Variants in STAT4 observed in about 807,000 individuals in gnomAD.
STAT4 encodes signal transducer and activator of transcription 4.
In STAT4, 42 loss-of-function variants were observed where a neutral mutation model predicts 110.5. The observed-to-expected ratio is 0.38, with a 90% CI of 0.30 to 0.49. The LOEUF is 0.49. STAT4 is among the 20% of genes least tolerant of loss of function. STAT4 has a pLI of 0.95. For missense variants in STAT4, 632 were observed against 887.9 expected, an observed-to-expected ratio of 0.71 and a Z score of 3.66; for synonymous variants, 284 against 302.2, an observed-to-expected ratio of 0.94 and a Z score of 0.63.
chr2:191,085,891 CT>C (rs573050932), intron 3 of STAT4, among the ~76,000 whole-genome samples: 1 of 152,012 alleles, frequency 6.6e-6, no homozygotes. Context: ...TTTACTGATT[CT>C]TTTTTTGTTT....
chr2:191,120,190 T>C (rs1278379867), intron 3 of STAT4, among the ~76,000 whole-genome samples: 1 of 151,886 alleles, frequency 6.6e-6, no homozygotes, highest in East Asian at 1.9e-4. Flanking sequence ...AATTGAAAAA[T>C]TGAGCCTCAA....
chr2:191,141,539 T>C (rs1273307914), intron 3 of STAT4, among the ~76,000 whole-genome samples: 2 of 146,220 alleles, frequency 1.4e-5, no homozygotes, highest in Non-Finnish European at 3.0e-5. Context: ...TATACATATA[T>C]GATATATATA....
rs1444053656 is a variant in STAT4 at position 191,031,103 on chromosome 2, T to C, written c.2112-23A>G. On this transcript the variant is annotated intron_variant, in intron 22 of 23. Coordinates refer to ENST00000392320, the MANE Select transcript of STAT4 (RefSeq NM_003151.4). This position sits in a 1 kb window ranked among gnomAD's most constrained non-coding sequence, Gnocchi z 4.8. ...CGGCTTAAAGAGATAACAAGGTCAA[T>C]ATGGACAAGGATTAAAAAATAATAA... is the stretch of plus-strand genomic sequence containing the variant. 3.1e-6 allele frequency: 5 copies of C among 1,607,328 alleles called. No individual in the cohort carries two copies. The African/African-American group carries it at 5.4e-5, about 17-fold the overall frequency.
At chr2:191,131,986 A>T in intron 3 of STAT4, 1 of 1,243,120 alleles carries the variant, frequency 8.0e-7, no homozygotes, top group Non-Finnish European at 1.0e-6. Context: ...AAGAGAAGAC[A>T]GCATGAAACA....
Position 191,032,787 on chromosome 2 carries a change from A to C in STAT4, c.2044+171T>G. 1.5e-6 allele frequency: 1 copy of C among 659,986 alleles called. No individual in the cohort carries two copies. The highest frequency in any genetic ancestry group is 3.3e-5 in the Admixed American group (1 of 30,666). 40.9% of individuals were successfully genotyped at this position (659,986 alleles called of 1,614,324 possible). On this transcript the variant is annotated intron_variant, in intron 21 of 23. Coordinates refer to ENST00000392320, the MANE Select transcript of STAT4 (RefSeq NM_003151.4). This position sits in a 1 kb window ranked among gnomAD's most constrained non-coding sequence, Gnocchi z 4.9. The stretch of plus-strand genomic sequence containing the variant: ...TTAGAAAGCCCAGCGGTCCCTTTTC[A>C]GGAACTGCTGACATACCACTTCATT...
chr2:191,123,240 G>A (rs994204282), intron 3 of STAT4, among the ~76,000 whole-genome samples: 10 of 152,184 alleles, frequency 6.6e-5, no homozygotes, highest in African/African-American at 2.4e-4. Flanking sequence ...GGAGTCCAGA[G>A]TGTCAGAGCT....
intron 17 of STAT4, 90 bp from the exon 18 acceptor site, chr2:191,034,687 C>G (rs992384235): frequency 1.8e-5 from 17 of 950,464 alleles, no homozygotes; most frequent in Non-Finnish European, 2.9e-5. Flanking sequence ...TCTTCCCTTT[C>G]AAGCATTTCT....
rs1245509586 is a variant in STAT4, at chr2:191,146,137, G to A, written c.273+476C>T. On this transcript the variant is annotated intron_variant, in intron 3 of 23. Transcript: ENST00000392320. This position sits in a 1 kb window ranked among gnomAD's most constrained non-coding sequence, Gnocchi z 4.5. ...GTGCTGAGGAAACACACAGAGATGG[G>A]CTCTGCCTGGGTGAACCAGAGAGTA... Among the ~76,000 whole-genome samples, 2 of 152,182 alleles carry A rather than the reference G, an allele frequency of 1.3e-5. No homozygotes were observed. Among genetic ancestry groups the A allele is most frequent in the East Asian group, 3.9e-4 (2 of 5,194 alleles).
At chr2:191,101,875 T>C (rs1467274080) in intron 3 of STAT4, among the ~76,000 whole-genome samples, 3 of 152,162 alleles carry the variant, frequency 2.0e-5, no homozygotes, top group Non-Finnish European at 1.5e-5. Flanking sequence ...AACTGAGATA[T>C]GACATGTCCT....
intron 3 of STAT4, among the ~76,000 whole-genome samples, chr2:191,126,946 C>T (rs1257281530): frequency 6.6e-6 from 1 of 152,152 alleles, no homozygotes; most frequent in African/African-American, 2.4e-5. Context: ...CACCCTCCCA[C>T]GTAGCTGAGT....
rs1427873585 is a variant in STAT4, at chr2:191,060,168, C to T, written c.1035-1399G>A. On this transcript the variant is annotated intron_variant, in intron 10 of 23. Transcript: ENST00000392320. The surrounding 1 kb of genome is among the most constrained non-coding windows in gnomAD (Gnocchi z 4.5). Reference sequence around the variant, plus strand: ...TGTCCCTGGCCATCAGTTCACACAACATGCAAGTGGTGCTGATTCAGAGTG... The same window carrying T: ...TGTCCCTGGCCATCAGTTCACACAATATGCAAGTGGTGCTGATTCAGAGTG... Among the ~76,000 whole-genome samples the T allele has an allele frequency of 1.3e-5, 2 of 152,188 alleles. No homozygotes were observed. Among genetic ancestry groups the T allele is most frequent in the African/African-American group, 4.8e-5 (2 of 41,448 alleles).
chr2:191,136,578 C>A (rs972930476), intron 3 of STAT4, among the ~76,000 whole-genome samples: 14 of 152,120 alleles, frequency 9.2e-5, no homozygotes, highest in Non-Finnish European at 5.9e-5. Context: ...ACAGTGAAAC[C>A]CCATCTCTGC....
At chr2:191,092,536 A>T (rs551500860) in intron 3 of STAT4, among the ~76,000 whole-genome samples, 1 of 152,298 alleles carries the variant, frequency 6.6e-6, no homozygotes, top group Admixed American at 6.5e-5. Flanking sequence ...AAGAATTCTA[A>T]GTAGATTTTT....
chr2:191,031,685 G>T lies in STAT4; in HGVS notation c.2045-169C>A, dbSNP rs927688993. Among the ~76,000 whole-genome samples, 3 of 152,172 alleles carry T rather than the reference G, an allele frequency of 2.0e-5. No individual in the cohort carries two copies. The highest frequency in any genetic ancestry group is 4.4e-5 in the Non-Finnish European group (3 of 68,024). On this transcript the variant is annotated intron_variant, in intron 21 of 23. Coordinates refer to ENST00000392320, the MANE Select transcript of STAT4 (RefSeq NM_003151.4). This position sits in a 1 kb window ranked among gnomAD's most constrained non-coding sequence, Gnocchi z 4.8. ...GTTAAATAGGGGACACAATCTTTTA[G>T]ATAAGCATAAAATGTGCAAGAAGAG...
In STAT4 at chr2:191,043,700, A is replaced by G. The variant is rs1574702809; in HGVS notation, c.1252-2552T>C. On this transcript the variant is annotated intron_variant, in intron 14 of 23. Coordinates refer to ENST00000392320, the MANE Select transcript of STAT4 (RefSeq NM_003151.4). This position sits in a 1 kb window ranked among gnomAD's most constrained non-coding sequence, Gnocchi z 4.8. ...CTTAGAATGCTAAAATGATTCATCAATAGGAGAATAGCTAGCTATACTGTG... is the reference window on the plus strand; with the variant it reads ...CTTAGAATGCTAAAATGATTCATCAGTAGGAGAATAGCTAGCTATACTGTG... Among the ~76,000 whole-genome samples, 1 of 152,186 alleles carries G rather than the reference A, an allele frequency of 6.6e-6. No individual in the cohort carries two copies. Among genetic ancestry groups the G allele is most frequent in the Non-Finnish European group, 1.5e-5 (1 of 68,032 alleles).
chr2:191,051,036 G>T lies in STAT4; in HGVS notation c.1251+3454C>A, dbSNP rs1226860534. Reference sequence around the variant, plus strand: ...TGGAGCGACCCAAAATTGTGTGTGTGCGTGTGGGTGTGTGTGTGATGGAGG... The same window carrying T: ...TGGAGCGACCCAAAATTGTGTGTGTTCGTGTGGGTGTGTGTGTGATGGAGG... On this transcript the variant is annotated intron_variant, in intron 14 of 23. Transcript: ENST00000392320. This position sits in a 1 kb window ranked among gnomAD's most constrained non-coding sequence, Gnocchi z 5.6. Among the ~76,000 whole-genome samples the T allele has an allele frequency of 6.6e-6, 1 of 152,176 alleles. No homozygotes were observed. Among genetic ancestry groups the T allele is most frequent in the Non-Finnish European group, 1.5e-5 (1 of 68,012 alleles).
chr2:191,111,206 G>A (rs1184315317), intron 3 of STAT4, among the ~76,000 whole-genome samples: 3 of 152,188 alleles, frequency 2.0e-5, no homozygotes, highest in Non-Finnish European at 4.4e-5. Flanking sequence ...TGGGAGTGAT[G>A]TCATATCTGG....
At chr2:191,131,217 T>A (rs1699028420) in intron 3 of STAT4, among the ~76,000 whole-genome samples, 1 of 151,834 alleles carries the variant, frequency 6.6e-6, no homozygotes, top group African/African-American at 2.4e-5. Flanking sequence ...CCTAGGCATA[T>A]ATTCTAGAGA....
At chr2:191,115,266 A>G (rs1225757018) in intron 3 of STAT4, among the ~76,000 whole-genome samples, 1 of 152,210 alleles carries the variant, frequency 6.6e-6, no homozygotes, top group Non-Finnish European at 1.5e-5. Flanking sequence ...AAAAACTCAC[A>G]AGCTAAAAGA....
Sources: gnomAD v4.1 joint callset for allele counts (sites outside exome capture counted in the v4.1 genomes callset) on GRCh38, gnomAD v4.1.1 for gene constraint, Gnocchi (gnomAD v3.1) non-coding constraint, MANE v1.5 for transcripts, NCBI Gene and HGNC (gene_info 2026-07-23, HGNC 2026-07-21) for gene names.